The following ERAP1 variants were observed in gnomAD, a reference collection of about 807,000 sequenced individuals.
ERAP1 encodes the protein adipocyte-derived leucine aminopeptidase.
In ERAP1, 86 loss-of-function variants were observed where a neutral mutation model predicts 103.7. The ratio of observed to expected loss-of-function variants is 0.83; its 90% CI spans 0.70 to 0.99. The LOEUF is 0.99. ERAP1 is among the 50% of genes least tolerant of loss of function. The pLI, the probability that ERAP1 is intolerant of heterozygous loss-of-function variation, is 0.00. For missense variants in ERAP1, 1,009 were observed against 1,128.4 expected (o/e 0.89, Z 1.52); for synonymous variants, 398 against 402.4 (o/e 0.99, Z 0.13).
intron 11 of ERAP1, among the ~76,000 whole-genome samples, chr5:96,787,064 A>T (rs1776110538): frequency 6.6e-6 from 1 of 152,238 alleles, no homozygotes; most frequent in African/African-American, 2.4e-5. Context: ...ATGGAGACCA[A>T]AATGATGCAA....
At chr5:96,771,763 T>C (rs1581469861), downstream of ERAP1, 15 of 1,056,786 alleles carry the variant, frequency 1.4e-5, no homozygotes, top group South Asian at 5.3e-5. Context: ...TTATGTGTTA[T>C]AGATGAGAGA....
At chr5:96,933,211 C>CTTTTTTTTT in the ERAP1 span, among the ~76,000 whole-genome samples, 24 of 72,804 alleles carry the variant, frequency 3.3e-4, no homozygotes, top group East Asian at 4.3e-4. Context: ...AAAACCACGT[C>CTTTTTTTTT]TTTTTTTTTT....
At chr5:96,909,536 G>A in the ERAP1 span, 1 of 1,506,190 alleles carries the variant, frequency 6.6e-7, no homozygotes, top group Non-Finnish European at 9.2e-7. Context: ...CTGTGTTAAG[G>A]ACTAAATTTA....
the ERAP1 span, among the ~76,000 whole-genome samples, chr5:96,832,101 G>C: frequency 6.6e-6 from 1 of 152,184 alleles, no homozygotes. Context: ...GAACCATGCA[G>C]GGGGAGTAAA....
chr5:96,825,510 G>T, the ERAP1 span, among the ~76,000 whole-genome samples: 4 of 152,160 alleles, frequency 2.6e-5, no homozygotes, highest in Non-Finnish European at 1.5e-5. Flanking sequence ...TTGATTGATG[G>T]TTACATCTAT....
In ERAP1 at chr5:96,801,762, G is replaced by A. The variant is rs71630755; in HGVS notation, c.525-762C>T. The stretch of plus-strand genomic sequence containing the variant: ...AGCTACTCAGGAGGCTGAGGCAGGA[G>A]AATTGCTTGAACCCGGGAGGCGGAG... On this transcript the variant is annotated intron_variant, in intron 2 of 18. Coordinates refer to ENST00000443439, the MANE Select transcript of ERAP1 (RefSeq NM_001040458.3). Among the ~76,000 whole-genome samples, 589 of 138,202 alleles carry A rather than the reference G, an allele frequency of 4.3e-3. 1 individual carries two copies. Among genetic ancestry groups the A allele is most frequent in the Non-Finnish European group, 6.8e-3 (445 of 65,464 alleles). The allele number at this position is 138,202 out of a possible 152,430, so 90.7% of individuals were successfully genotyped here.
At chr5:96,797,921 C>T (rs1326751580) in intron 3 of ERAP1, among the ~76,000 whole-genome samples, 1 of 152,130 alleles carries the variant, frequency 6.6e-6, no homozygotes, top group Non-Finnish European at 1.5e-5. Context: ...TCCTTAAATA[C>T]AGGTTTGAGA....
chr5:96,887,151 A>G, the ERAP1 span, among the ~76,000 whole-genome samples: 1 of 150,166 alleles, frequency 6.7e-6, no homozygotes, highest in Admixed American at 6.6e-5. Flanking sequence ...TTTGCAAAAT[A>G]ATATATTGAC....
the ERAP1 span, among the ~76,000 whole-genome samples, chr5:96,852,230 T>C: frequency 1.3e-5 from 2 of 152,216 alleles, no homozygotes; most frequent in African/African-American, 4.8e-5. Flanking sequence ...TCATGAAATC[T>C]GGCAGAAATG....
At chr5:96,800,626 G>A (rs571463482) in intron 3 of ERAP1, among the ~76,000 whole-genome samples, 3 of 152,298 alleles carry the variant, frequency 2.0e-5, no homozygotes, top group South Asian at 4.1e-4. Context: ...CTATCAGCAT[G>A]TATAACCTGG....
chr5:96,895,122 G>C, the ERAP1 span: 1 of 598,126 alleles, frequency 1.7e-6, no homozygotes. Context: ...GAGAGAAAAG[G>C]GTAGCAAAGA....
At chr5:96,876,576 C>CAATAA in the ERAP1 span, 7 of 152,200 alleles carry the variant, frequency 4.6e-5, no homozygotes, top group Non-Finnish European at 8.8e-5. Context: ...TAGATTTTTT[C>CAATAA]AATAAGAATA....
chr5:96,801,736 C>T, intron 2 of ERAP1, among the ~76,000 whole-genome samples: 1 of 151,184 alleles, frequency 6.6e-6, no homozygotes, highest in Admixed American at 6.6e-5. Context: ...TCTGTAATCC[C>T]AGCTACTCAG....
chr5:96,821,949 G>C, the ERAP1 span, among the ~76,000 whole-genome samples: 1 of 152,198 alleles, frequency 6.6e-6, no homozygotes, highest in Non-Finnish European at 1.5e-5. Context: ...ATCTTTGCTG[G>C]TGTGGGTATA....
chr5:96,760,890 AAAAT>A (rs1169810822), exon 20 of ERAP1: 10 of 151,968 alleles, frequency 6.6e-5, no homozygotes, highest in African/African-American at 2.2e-4. Flanking sequence ...ATACATTCGG[AAAAT>A]AAATGTATAA....
At chr5:96,897,758 C>T in the ERAP1 span, among the ~76,000 whole-genome samples, 3 of 152,198 alleles carry the variant, frequency 2.0e-5, no homozygotes, top group Admixed American at 2.0e-4. Flanking sequence ...TTTTATAGAA[C>T]CATTAGACCC....
the ERAP1 span, among the ~76,000 whole-genome samples, chr5:96,913,944 T>C: frequency 0.62 from 94,912 of 152,064 alleles, 29,786 homozygotes; most frequent in South Asian, 0.73. Context: ...GAAAGAAACC[T>C]AGTCAGGAGT....
At chr5:96,892,262 G>A in the ERAP1 span, 8 of 1,606,606 alleles carry the variant, frequency 5.0e-6, no homozygotes, top group Non-Finnish European at 6.8e-6. Flanking sequence ...TGGTGTGGGA[G>A]CCATAAAACT....
At chr5:96,869,699 A>G in the ERAP1 span, among the ~76,000 whole-genome samples, 1 of 152,240 alleles carries the variant, frequency 6.6e-6, no homozygotes, top group South Asian at 2.1e-4. Flanking sequence ...ACATAAGTCT[A>G]GTGAAAACTC....
Sources: allele counts gnomAD v4.1 joint callset (sites outside exome capture counted in the v4.1 genomes callset), GRCh38; gene constraint gnomAD v4.1.1; transcripts MANE v1.5; gene names NCBI Gene and HGNC (gene_info 2026-07-23, HGNC 2026-07-21).